FGF12: variants seen among roughly 807,000 people sequenced by gnomAD.
The protein encoded by FGF12 is fibroblast growth factor 12B.
A neutral mutation model predicts 23.6 loss-of-function variants in FGF12; 14 were observed. The ratio of observed to expected loss-of-function variants is 0.59; its 90% CI spans 0.39 to 0.93. The LOEUF is 0.93. Among genes scored for constraint, FGF12 ranks in the 40% least tolerant of loss-of-function variants. The probability of loss-of-function intolerance (pLI) is 0.00; values close to 1 mark genes in which losing one functional copy is unlikely to be tolerated. For missense variants in FGF12, 175 were observed against 217.8 expected (o/e 0.80, Z 1.24); for synonymous variants, 62 against 77.3 (o/e 0.80, Z 1.04).
intron 5 of FGF12, among the ~76,000 whole-genome samples, chr3:192,163,957 G>T (rs1715019188): frequency 6.6e-6 from 1 of 151,814 alleles, no homozygotes; most frequent in African/African-American, 2.4e-5. Context: ...ATGATTCTTA[G>T]TTATCTTATT....
intron 5 of FGF12, among the ~76,000 whole-genome samples, chr3:192,163,529 G>T (rs1210006637): frequency 6.6e-6 from 1 of 152,082 alleles, no homozygotes; most frequent in Admixed American, 6.6e-5. Flanking sequence ...TTGACCAAAA[G>T]GAGCTTAGAA....
chr3:192,667,684 G>C (rs1218851445), intron 2 of FGF12, among the ~76,000 whole-genome samples: 4 of 151,174 alleles, frequency 2.6e-5, no homozygotes, highest in Non-Finnish European at 4.4e-5. Flanking sequence ...ATCCCTGATA[G>C]AGGGGCAGGC....
At chr3:192,385,888 G>A (rs948765492) in intron 2 of FGF12, among the ~76,000 whole-genome samples, 2 of 152,142 alleles carry the variant, frequency 1.3e-5, no homozygotes, top group Non-Finnish European at 2.9e-5. Flanking sequence ...CCTTATTCCC[G>A]TGGACTCCTT....
intron 2 of FGF12, among the ~76,000 whole-genome samples, chr3:192,473,901 C>T (rs151155359): frequency 8.7e-4 from 132 of 152,302 alleles, no homozygotes; most frequent in African/African-American, 3.0e-3. Context: ...GGGGTTGTTG[C>T]TCTTTCAGTA....
intron 4 of FGF12, among the ~76,000 whole-genome samples, chr3:192,197,370 G>C (rs1202223971): frequency 1.3e-5 from 2 of 151,944 alleles, no homozygotes; most frequent in Non-Finnish European, 2.9e-5. Context: ...TTTTATATTG[G>C]GGATAAAACG....
At chr3:192,719,209 T>G (rs1271405203) in intron 2 of FGF12, among the ~76,000 whole-genome samples, 5 of 152,184 alleles carry the variant, frequency 3.3e-5, no homozygotes, top group Non-Finnish European at 5.9e-5. Flanking sequence ...ATGTCATAAT[T>G]CCACCAGTGT....
chr3:192,264,525 C>T (rs68083920), intron 4 of FGF12, among the ~76,000 whole-genome samples: 8,029 of 151,858 alleles, frequency 0.053, 260 homozygotes, highest in South Asian at 0.08. Flanking sequence ...ATTCAAAGAG[C>T]GTAATTAAAA....
intron 2 of FGF12, among the ~76,000 whole-genome samples, chr3:192,531,926 G>T (rs1725098463): frequency 6.6e-6 from 1 of 152,076 alleles, no homozygotes; most frequent in African/African-American, 2.4e-5. Flanking sequence ...CTACATTCTG[G>T]ATTAGCATAT....
At chr3:192,684,915 T>C (rs1175315354) in intron 2 of FGF12, among the ~76,000 whole-genome samples, 2 of 151,082 alleles carry the variant, frequency 1.3e-5, no homozygotes, top group Non-Finnish European at 3.0e-5. Context: ...ACTGACCTTG[T>C]TGTTCAAATG....
intron 2 of FGF12, among the ~76,000 whole-genome samples, chr3:192,597,809 C>T (rs1047061374): frequency 6.6e-6 from 1 of 152,188 alleles, no homozygotes; most frequent in Non-Finnish European, 1.5e-5. Context: ...CATCCTCAGA[C>T]TGAAATACAA....
chr3:192,540,591 TGAG>T (rs1725340919), intron 2 of FGF12, among the ~76,000 whole-genome samples: 1 of 152,168 alleles, frequency 6.6e-6, no homozygotes, highest in Admixed American at 6.5e-5. Flanking sequence ...ATCCATGTAC[TGAG>T]GAGAATATGT....
intron 2 of FGF12, among the ~76,000 whole-genome samples, chr3:192,657,931 C>A (rs573422229): frequency 6.6e-6 from 1 of 151,784 alleles, no homozygotes; most frequent in African/African-American, 2.4e-5. Context: ...GGCTTTTTTA[C>A]TCTGGGCTAA....
chr3:192,326,580 G>T (rs559782406), intron 4 of FGF12, among the ~76,000 whole-genome samples: 1 of 152,104 alleles, frequency 6.6e-6, no homozygotes. Flanking sequence ...ATACTTTAAG[G>T]GAGAAATTCC....
At chr3:192,664,602 AT>A (rs1217710715) in intron 2 of FGF12, among the ~76,000 whole-genome samples, 12 of 87,036 alleles carry the variant, frequency 1.4e-4, no homozygotes, top group African/African-American at 1.8e-4. Flanking sequence ...TACAAAAAAA[AT>A]ACAAAAAAAA....
chr3:192,572,412 G>A (rs561801253), intron 2 of FGF12, among the ~76,000 whole-genome samples: 3 of 152,262 alleles, frequency 2.0e-5, no homozygotes, highest in South Asian at 4.1e-4. Flanking sequence ...TAATGATACT[G>A]ATGAGCAGGC....
chr3:192,157,505 TC>T (rs1714490600), intron 5 of FGF12, among the ~76,000 whole-genome samples: 1 of 149,496 alleles, frequency 6.7e-6, no homozygotes, highest in Admixed American at 6.7e-5. Flanking sequence ...ATGGATTTTT[TC>T]CAGGGCAAGC....
intron 2 of FGF12, among the ~76,000 whole-genome samples, chr3:192,391,437 C>A (rs1421733255): frequency 1.3e-5 from 2 of 152,082 alleles, no homozygotes; most frequent in Non-Finnish European, 2.9e-5. Context: ...TTATGAAGTT[C>A]TTTTCTCAAA....
In FGF12 at chr3:192,727,481, T is replaced by TTTCAAAAAAAAAAA; in HGVS notation, c.-131+2_-131+3insTTTTTTTTTTTGAA. Reference sequence around the variant, plus strand: ...GCTCAGATTTTTTTTTTTTTTTTTTTACCTGGGTCTGGAAGCTGCAGGCAG... The same window carrying TTTCAAAAAAAAAAA: ...GCTCAGATTTTTTTTTTTTTTTTTTTTTCAAAAAAAAAAAACCTGGGTCTGGAAGCTGCAGGCAG... On this transcript the variant is annotated splice_region_variant and intron_variant, in intron 1 of 5. Transcript: ENST00000445105. The TTTCAAAAAAAAAAA allele has an allele frequency of 1.5e-6, 1 of 673,028 alleles. No homozygotes were observed. The highest frequency in any genetic ancestry group is 2.0e-5 in the South Asian group (1 of 49,864). 41.7% of individuals were successfully genotyped at this position (673,028 alleles called of 1,614,324 possible).
intron 2 of FGF12, among the ~76,000 whole-genome samples, chr3:192,443,591 A>C (rs573451224): frequency 6.6e-6 from 1 of 152,306 alleles, no homozygotes; most frequent in African/African-American, 2.4e-5. Flanking sequence ...ACAGCTAATA[A>C]TTTTGTTTTG....
Sources: allele counts gnomAD v4.1 joint callset (sites outside exome capture counted in the v4.1 genomes callset), GRCh38; gene constraint gnomAD v4.1.1; transcripts MANE v1.5; gene names NCBI Gene and HGNC (gene_info 2026-07-23, HGNC 2026-07-21).